The following PCBP3 variants were observed in gnomAD, a reference collection of about 807,000 sequenced individuals.
PCBP3 encodes poly(rC)-binding protein 3.
PCBP3 carries 25 observed loss-of-function variants against 52.7 expected under a neutral mutation model. The observed-to-expected ratio is 0.47, with a 90% confidence interval of 0.35 to 0.66. PCBP3 has a LOEUF of 0.66. PCBP3 is among the 30% of genes least tolerant of loss of function. The pLI is 0.01. For synonymous variants in PCBP3, 162 were observed against 183.0 expected (o/e 0.89, Z 0.93); for missense variants, 391 against 490.3 (o/e 0.80, Z 1.91).
intron 1 of PCBP3, among the ~76,000 whole-genome samples, chr21:45,663,950 T>A (rs907398706): frequency 6.6e-6 from 1 of 152,088 alleles, no homozygotes; most frequent in Non-Finnish European, 1.5e-5. Context: ...TGGATTGCTT[T>A]GGGCAGTATG....
intron 9 of PCBP3, among the ~76,000 whole-genome samples, chr21:45,905,816 A>G (rs894829353): frequency 8.5e-5 from 13 of 152,150 alleles, no homozygotes; most frequent in South Asian, 2.1e-4. Flanking sequence ...TCTAAACACA[A>G]TCACACGGAG....
intron 5 of PCBP3, among the ~76,000 whole-genome samples, chr21:45,870,270 T>C (rs933066747): frequency 8.5e-5 from 13 of 152,208 alleles, no homozygotes; most frequent in Non-Finnish European, 1.6e-4. Flanking sequence ...TAAGGAGATA[T>C]TTTTAGCAGA....
At chr21:45,709,320 TAGTC>T (rs1291030507) in intron 2 of PCBP3, among the ~76,000 whole-genome samples, 2 of 152,206 alleles carry the variant, frequency 1.3e-5, no homozygotes, top group Admixed American at 6.5e-5. Flanking sequence ...TCACATACCT[TAGTC>T]AGAGGAGAAA....
intron 9 of PCBP3, among the ~76,000 whole-genome samples, chr21:45,908,737 C>G (rs1450617761): frequency 1.3e-5 from 2 of 152,202 alleles, no homozygotes; most frequent in East Asian, 1.9e-4. Flanking sequence ...CCCTGTCCCC[C>G]ACGGGTTGCC....
intron 4 of PCBP3, among the ~76,000 whole-genome samples, chr21:45,831,648 G>A (rs1261319893): frequency 6.6e-6 from 1 of 152,188 alleles, no homozygotes; most frequent in African/African-American, 2.4e-5. Flanking sequence ...CTCCGAGAGA[G>A]GGGTCTTGAA....
chr21:45,904,881 C>A lies in PCBP3; in HGVS notation c.339+3768C>A, dbSNP rs1388559717. Among the ~76,000 whole-genome samples the A allele has an allele frequency of 6.6e-6, 1 of 152,118 alleles. No individual in the cohort carries two copies. Among genetic ancestry groups the A allele is most frequent in the Non-Finnish European group, 1.5e-5 (1 of 68,028 alleles). On this transcript the variant is annotated intron_variant, in intron 9 of 17. Coordinates refer to ENST00000681687, the MANE Select transcript of PCBP3 (RefSeq NM_001384156.1). The surrounding 1 kb of genome is among the most constrained non-coding windows in gnomAD (Gnocchi z 4.8). ...AACCTCAGCAGTCTTTGTAAAGCTTCCCACCAGTGTTGACTGGAGATATTC... is the reference window on the plus strand; with the variant it reads ...AACCTCAGCAGTCTTTGTAAAGCTTACCACCAGTGTTGACTGGAGATATTC...
intron 5 of PCBP3, among the ~76,000 whole-genome samples, chr21:45,894,843 A>G (rs2095783976): frequency 6.6e-6 from 1 of 152,262 alleles, no homozygotes; most frequent in Non-Finnish European, 1.5e-5. Context: ...AGTCCTCCTT[A>G]AATGCAACGT....
rs1239736925 is a variant in PCBP3 at position 45,940,792 on chromosome 21, A to ACTGTACCACCAGCCCCCCAGCCAGGCACG, written c.1079+610_1079+638dup. On this transcript the variant is annotated intron_variant, in intron 17 of 17. Coordinates refer to ENST00000681687, the MANE Select transcript of PCBP3 (RefSeq NM_001384156.1). Reference sequence around the variant, plus strand: ...CCGTACCACCAGCCCCGCCAGGCACACTGTACCACCAGCCCCCCAGCCAGG... The same window carrying ACTGTACCACCAGCCCCCCAGCCAGGCACG: ...CCGTACCACCAGCCCCGCCAGGCACACTGTACCACCAGCCCCCCAGCCAGGCACGCTGTACCACCAGCCCCCCAGCCAGG... Among the ~76,000 whole-genome samples the ACTGTACCACCAGCCCCCCAGCCAGGCACG allele has an allele frequency of 4.2e-3, 619 of 146,876 alleles. 10 individuals carry two copies. The highest frequency in any genetic ancestry group is 0.015 in the African/African-American group (561 of 38,460).
At chr21:45,664,856 G>C (rs1372891059) in intron 1 of PCBP3, among the ~76,000 whole-genome samples, 2 of 148,898 alleles carry the variant, frequency 1.3e-5, no homozygotes, top group Non-Finnish European at 3.0e-5. Context: ...CTATGAGTGA[G>C]AATATGCGGT....
At chr21:45,647,844 TAAGGCAGCAGATGGA>T (rs1037268311) in intron 1 of PCBP3, among the ~76,000 whole-genome samples, 1 of 152,156 alleles carries the variant, frequency 6.6e-6, no homozygotes, top group Non-Finnish European at 1.5e-5. Flanking sequence ...GCAGGGGAGT[TAAGGCAGCAGATGGA>T]ATGAGGTTGC....
chr21:45,897,299 C>G (rs532390788), intron 6 of PCBP3, among the ~76,000 whole-genome samples: 181 of 152,334 alleles, frequency 1.2e-3, no homozygotes, highest in African/African-American at 4.1e-3. Context: ...AAAGCATCCC[C>G]TGGTCCCCTG....
Position 45,886,220 on chromosome 21 carries a change from T to C in PCBP3, c.11-9988T>C, listed in dbSNP as rs78000204. Among the ~76,000 whole-genome samples the C allele has an allele frequency of 5.2e-4, 46 of 89,116 alleles. 1 individual carries two copies. The highest frequency in any genetic ancestry group is 1.6e-3 in the African/African-American group (33 of 20,604). The allele number at this position is 89,116 out of a possible 152,430, so 58.5% of individuals were successfully genotyped here. ...TGGTGAGGTGTGGAGGCCTCATTGC[T>C]GCGGGTGCCAAGGGCAGAGGATGTG... is the stretch of plus-strand genomic sequence containing the variant. On this transcript the variant is annotated intron_variant, in intron 5 of 17. Coordinates refer to ENST00000681687, the MANE Select transcript of PCBP3 (RefSeq NM_001384156.1).
At chr21:45,870,596 TC>T (rs1479975067) in intron 5 of PCBP3, among the ~76,000 whole-genome samples, 1 of 152,158 alleles carries the variant, frequency 6.6e-6, no homozygotes, top group Non-Finnish European at 1.5e-5. Context: ...GGCTGGAAGC[TC>T]CTGGGGTCTG....
chr21:45,818,455 G>A (rs867936724), intron 4 of PCBP3, among the ~76,000 whole-genome samples: 3 of 152,144 alleles, frequency 2.0e-5, no homozygotes, highest in African/African-American at 4.8e-5. Context: ...GCCCCCATGC[G>A]CTTCACGTAC....
intron 11 of PCBP3, among the ~76,000 whole-genome samples, chr21:45,912,113 C>T (rs187392976): frequency 3.9e-4 from 59 of 152,356 alleles, no homozygotes; most frequent in African/African-American, 1.3e-3. Flanking sequence ...CTGCTGCCTG[C>T]GTCCCGGTGC....
chr21:45,909,298 C>T (rs1603485493), intron 9 of PCBP3, 57 bp from the exon 10 acceptor site: 1 of 1,570,178 alleles, frequency 6.4e-7, no homozygotes, highest in East Asian at 2.3e-5. Flanking sequence ...CCCTGCCCTC[C>T]TGCTTTCTCA....
intron 3 of PCBP3, among the ~76,000 whole-genome samples, chr21:45,747,768 G>A (rs531300226): frequency 1.3e-5 from 2 of 152,336 alleles, no homozygotes; most frequent in South Asian, 2.1e-4. Context: ...CACACCTCTC[G>A]AGGGAGGACA....
At chr21:45,688,351 G>T (rs1041077743) in intron 2 of PCBP3, among the ~76,000 whole-genome samples, 2 of 152,118 alleles carry the variant, frequency 1.3e-5, no homozygotes, top group African/African-American at 2.4e-5. Flanking sequence ...AATTAAATTA[G>T]AAATCAATAA....
chr21:45,819,004 G>A (rs1442773142), intron 4 of PCBP3, among the ~76,000 whole-genome samples: 2 of 152,234 alleles, frequency 1.3e-5, no homozygotes, highest in African/African-American at 4.8e-5. Context: ...CAAGAGTTGG[G>A]CGGAGAGATG....
Sources: gnomAD v4.1 joint callset for allele counts (sites outside exome capture counted in the v4.1 genomes callset) on GRCh38, gnomAD v4.1.1 for gene constraint, Gnocchi (gnomAD v3.1) non-coding constraint, MANE v1.5 for transcripts, NCBI Gene and HGNC (gene_info 2026-07-23, HGNC 2026-07-21) for gene names.